The following CSMD2 variants were observed in gnomAD, a reference collection of about 807,000 sequenced individuals.
CSMD2 encodes the protein CUB and sushi domain-containing protein 2.
Under a neutral mutation model 398.5 loss-of-function variants are expected in CSMD2, and 130 were observed. The observed-to-expected ratio is 0.33, with a 90% CI of 0.28 to 0.38. The LOEUF is 0.38. CSMD2 is among the 10% of genes least tolerant of loss of function. CSMD2 has a pLI of 1.00. For missense variants in CSMD2, 3,829 were observed against 4,764.9 expected (o/e 0.80, Z 5.78); for synonymous variants, 1,828 against 1,908.5 (o/e 0.96, Z 1.10).
rs558280867 is a variant in CSMD2 at position 33,825,954 on chromosome 1, G to A, written c.1034-180C>T. 2.6e-5 allele frequency among the ~76,000 whole-genome samples: 4 copies of A among 152,284 alleles called. No individual in the cohort carries two copies. In the South Asian group the frequency reaches 6.2e-4, roughly 24 times the overall value. ...AGGGCAATAGGACCTCAGACATGAA[G>A]GAAAAGTTACTATCAAGGCTAGCCC... On this transcript the variant is annotated intron_variant, in intron 6 of 70. Coordinates refer to ENST00000373381, the MANE Select transcript of CSMD2 (RefSeq NM_001281956.2).
chr1:33,822,068 G>A (rs1019759101), intron 7 of CSMD2, among the ~76,000 whole-genome samples: 18 of 152,130 alleles, frequency 1.2e-4, no homozygotes, highest in Non-Finnish European at 2.4e-4. Flanking sequence ...ATGGGGAGCC[G>A]CTGGAGAGTT....
chr1:33,680,924 T>TC (rs1229959235), intron 25 of CSMD2, among the ~76,000 whole-genome samples: 1 of 132,406 alleles, frequency 7.6e-6, no homozygotes, highest in East Asian at 2.1e-4. Flanking sequence ...TATGCTTTTT[T>TC]TTTTTTTTTT....
intron 6 of CSMD2, among the ~76,000 whole-genome samples, chr1:33,838,191 G>A (rs1660504834): frequency 6.6e-6 from 1 of 152,192 alleles, no homozygotes; most frequent in Non-Finnish European, 1.5e-5. Context: ...CCACTTGCCA[G>A]TCTTGCTGGC....
At chr1:34,140,433 A>G (rs1639184730) in intron 1 of CSMD2, among the ~76,000 whole-genome samples, 1 of 152,162 alleles carries the variant, frequency 6.6e-6, no homozygotes, top group African/African-American at 2.4e-5. Context: ...GGCCTGGCAA[A>G]TGTCTAGAGA....
At chr1:33,563,142 G>A (rs1274488787) in intron 53 of CSMD2, among the ~76,000 whole-genome samples, 1 of 151,566 alleles carries the variant, frequency 6.6e-6, no homozygotes, top group African/African-American at 2.4e-5. Flanking sequence ...CCTAAGGGCA[G>A]AGATGATGTA....
At chr1:33,558,967 C>T (rs2247951) in intron 54 of CSMD2, among the ~76,000 whole-genome samples, 143,672 of 152,296 alleles carry the variant, frequency 0.94, 67,864 homozygotes, top group Middle Eastern at 0.98. Context: ...ACTTCTAGAT[C>T]TCTTGTTTAT....
intron 9 of CSMD2, among the ~76,000 whole-genome samples, chr1:33,814,596 C>T (rs1657246536): frequency 1.3e-5 from 2 of 152,166 alleles, no homozygotes; most frequent in African/African-American, 2.4e-5. Flanking sequence ...CACGTGTACT[C>T]AATTCCTTTT....
At chr1:34,125,537 G>A (rs1368500528) in intron 1 of CSMD2, among the ~76,000 whole-genome samples, 1 of 150,124 alleles carries the variant, frequency 6.7e-6, no homozygotes, top group Non-Finnish European at 1.5e-5. Context: ...GTGTGTGTGT[G>A]TGTGTGTGTG....
rs898716885 is a variant in CSMD2, at chr1:33,533,429, A to G, written c.9992-200T>C. ...AATGGCCAAGATGGAGATCATGTGGATATCGGCTTGGTTGACTCTGAGTTG... is the reference window on the plus strand; with the variant it reads ...AATGGCCAAGATGGAGATCATGTGGGTATCGGCTTGGTTGACTCTGAGTTG... On this transcript the variant is annotated intron_variant, in intron 63 of 70. Transcript: ENST00000373381. The surrounding 1 kb of genome is among the most constrained non-coding windows in gnomAD (Gnocchi z 4.2). 2.0e-5 allele frequency among the ~76,000 whole-genome samples: 3 copies of G among 152,130 alleles called. No homozygotes were observed. Among genetic ancestry groups the G allele is most frequent in the African/African-American group, 7.2e-5 (3 of 41,420 alleles).
At chr1:33,688,446 G>A (rs879698879) in intron 25 of CSMD2, among the ~76,000 whole-genome samples, 5 of 152,212 alleles carry the variant, frequency 3.3e-5, no homozygotes, top group Non-Finnish European at 5.9e-5. Context: ...TATGTGGGGT[G>A]TGAGGAGGAG....
chr1:33,742,442 G>T (rs771013445), intron 14 of CSMD2, among the ~76,000 whole-genome samples: 2 of 152,148 alleles, frequency 1.3e-5, no homozygotes. Flanking sequence ...CTAGTTAATT[G>T]CTCAGATGGA....
chr1:34,033,334 T>A (rs1485710303), intron 2 of CSMD2, among the ~76,000 whole-genome samples: 9 of 152,214 alleles, frequency 5.9e-5, no homozygotes, highest in African/African-American at 1.7e-4. Context: ...GATCAAACTG[T>A]GCGTGCTATT....
At chr1:33,837,112 T>C (rs1433664085) in intron 6 of CSMD2, among the ~76,000 whole-genome samples, 6 of 152,090 alleles carry the variant, frequency 3.9e-5, no homozygotes, top group African/African-American at 1.4e-4. Context: ...AGCCATCTTG[T>C]TTTTTTAACA....
intron 26 of CSMD2, among the ~76,000 whole-genome samples, chr1:33,661,665 A>T (rs1644138177): frequency 6.6e-6 from 1 of 152,212 alleles, no homozygotes; most frequent in South Asian, 2.1e-4. Flanking sequence ...ATGAGTGTTA[A>T]ATGGACAAAT....
At chr1:33,587,896 C>G (rs1269006005) in intron 44 of CSMD2, among the ~76,000 whole-genome samples, 1 of 152,180 alleles carries the variant, frequency 6.6e-6, no homozygotes, top group Non-Finnish European at 1.5e-5. Context: ...GTTAGCTGCT[C>G]CTGCTGCCAC....
intron 40 of CSMD2, among the ~76,000 whole-genome samples, chr1:33,613,999 C>A (rs1306992027): frequency 6.6e-6 from 1 of 152,098 alleles, no homozygotes; most frequent in Non-Finnish European, 1.5e-5. Context: ...AGTCTCTAGG[C>A]CAGCTAGAAT....
At chr1:33,848,278 G>T (rs1190731080) in intron 5 of CSMD2, among the ~76,000 whole-genome samples, 1 of 152,156 alleles carries the variant, frequency 6.6e-6, no homozygotes, top group Non-Finnish European at 1.5e-5. Flanking sequence ...CCAAACAGGG[G>T]GCTGCATGTA....
intron 3 of CSMD2, among the ~76,000 whole-genome samples, chr1:34,028,855 G>A (rs902208105): frequency 2.1e-4 from 32 of 152,216 alleles, no homozygotes; most frequent in Non-Finnish European, 7.3e-5. Flanking sequence ...AGCACCTTCT[G>A]TCATCTCAGG....
intron 3 of CSMD2, among the ~76,000 whole-genome samples, chr1:33,959,133 C>G (rs1055609416): frequency 1.6e-4 from 25 of 152,210 alleles, no homozygotes; most frequent in Non-Finnish European, 3.5e-4. Context: ...ACCTGCTGAT[C>G]TAGGTGGAGA....
Sources: gnomAD v4.1 joint callset for allele counts (sites outside exome capture counted in the v4.1 genomes callset) on GRCh38, gnomAD v4.1.1 for gene constraint, Gnocchi (gnomAD v3.1) non-coding constraint, MANE v1.5 for transcripts, NCBI Gene and HGNC (gene_info 2026-07-23, HGNC 2026-07-21) for gene names.